The following PRKG1 variants were observed in gnomAD, a reference collection of about 807,000 sequenced individuals.
PRKG1 encodes protein kinase cGMP-dependent 1, also known as cGMP-dependent protein kinase 1.
A neutral mutation model predicts 88.1 loss-of-function variants in PRKG1; 35 were observed. The observed-to-expected ratio is 0.40, with a 90% CI of 0.30 to 0.53. The LOEUF (loss-of-function observed/expected upper bound fraction) is 0.53. PRKG1 is among the 20% of genes least tolerant of loss of function. The probability of loss-of-function intolerance (pLI) is 0.59; values close to 1 mark genes in which losing one functional copy is unlikely to be tolerated. For synonymous variants in PRKG1, 303 were observed against 292.5 expected (o/e 1.04, Z -0.37); for missense variants, 540 against 839.8 (o/e 0.64, Z 4.41).
At chr10:51,700,801 G>A (rs947378126) in intron 3 of PRKG1, among the ~76,000 whole-genome samples, 1 of 152,124 alleles carries the variant, frequency 6.6e-6, no homozygotes, top group African/African-American at 2.4e-5. Context: ...AAAAACTAAT[G>A]TTCAGTAAGC....
intron 3 of PRKG1, among the ~76,000 whole-genome samples, chr10:51,468,610 C>A (rs1355341927): frequency 6.6e-6 from 1 of 151,762 alleles, no homozygotes; most frequent in Admixed American, 6.6e-5. Flanking sequence ...AGGTTCATTG[C>A]ATCTTTAGGC....
intron 5 of PRKG1, among the ~76,000 whole-genome samples, chr10:51,988,297 C>G (rs1305834035): frequency 6.6e-6 from 1 of 151,988 alleles, no homozygotes; most frequent in East Asian, 1.9e-4. Context: ...ATATGTTTAA[C>G]TTGATGCAAC....
chr10:51,303,626 A>G (rs946353621), intron 2 of PRKG1, among the ~76,000 whole-genome samples: 1 of 152,134 alleles, frequency 6.6e-6, no homozygotes, highest in Non-Finnish European at 1.5e-5. Flanking sequence ...TAATATAAAC[A>G]GTGAAAGTAT....
chr10:51,991,529 C>A lies in PRKG1; in HGVS notation c.763-62955C>A, dbSNP rs189461463. Among the ~76,000 whole-genome samples the A allele has an allele frequency of 6.6e-3, 1,009 of 152,224 alleles. 11 individuals are homozygous for A. The highest frequency in any genetic ancestry group is 0.024 in the African/African-American group (978 of 41,516). Reference sequence around the variant, plus strand: ...ATATCTCCTAAAGCTATCCCTCCCCCACTCCCCCAGCCCATGACAGGCCCT... The same window carrying A: ...ATATCTCCTAAAGCTATCCCTCCCCAACTCCCCCAGCCCATGACAGGCCCT... On this transcript the variant is annotated intron_variant, in intron 5 of 17. Coordinates refer to ENST00000373980, the MANE Select transcript of PRKG1 (RefSeq NM_006258.4).
intron 1 of PRKG1, among the ~76,000 whole-genome samples, chr10:51,115,551 A>C (rs1380380358): frequency 6.6e-6 from 1 of 151,010 alleles, no homozygotes; most frequent in Non-Finnish European, 1.5e-5. Context: ...AGAATGATAA[A>C]GAAGAAGGCT....
intron 1 of PRKG1, among the ~76,000 whole-genome samples, chr10:51,034,585 CTAAA>C (rs1210889906): frequency 6.1e-5 from 9 of 147,714 alleles, no homozygotes; most frequent in Non-Finnish European, 8.9e-5. Context: ...GCTGTATACA[CTAAA>C]TAGAGGAATT....
At chr10:51,210,868 C>T (rs372373116) in intron 2 of PRKG1, among the ~76,000 whole-genome samples, 4 of 152,230 alleles carry the variant, frequency 2.6e-5, no homozygotes, top group Non-Finnish European at 5.9e-5. Context: ...GATTCACAGC[C>T]GAATTCTACC....
At chr10:51,753,950 G>C (rs1248585029) in intron 3 of PRKG1, among the ~76,000 whole-genome samples, 2 of 151,796 alleles carry the variant, frequency 1.3e-5, no homozygotes, top group African/African-American at 4.8e-5. Flanking sequence ...TTTTGTTGTT[G>C]TTCTTTTTTT....
chr10:51,718,918 A>G (rs1000647054), intron 3 of PRKG1, among the ~76,000 whole-genome samples: 19 of 151,338 alleles, frequency 1.3e-4, no homozygotes, highest in African/African-American at 4.6e-4. Context: ...AGGCCTAAGC[A>G]GGAGAATGGC....
At chr10:51,332,358 T>TGGTAC (rs1041788129) in intron 2 of PRKG1, among the ~76,000 whole-genome samples, 1 of 152,150 alleles carries the variant, frequency 6.6e-6, no homozygotes, top group Admixed American at 6.5e-5. Context: ...TTATAGAACT[T>TGGTAC]GGTACCGGAC....
chr10:52,007,901 G>A (rs1451894111), intron 5 of PRKG1, among the ~76,000 whole-genome samples: 2 of 151,826 alleles, frequency 1.3e-5, no homozygotes, highest in Admixed American at 1.3e-4. Flanking sequence ...CAGCAAATGT[G>A]GAAAAACAAA....
chr10:51,015,326 C>G (rs769952409), intron 1 of PRKG1, among the ~76,000 whole-genome samples: 2 of 152,110 alleles, frequency 1.3e-5, no homozygotes, highest in Non-Finnish European at 2.9e-5. Context: ...CTACTATGTT[C>G]AAGATATTTT....
At chr10:51,421,963 T>C (rs1411724954) in intron 2 of PRKG1, among the ~76,000 whole-genome samples, 1 of 152,232 alleles carries the variant, frequency 6.6e-6, no homozygotes, top group Non-Finnish European at 1.5e-5. Context: ...TTGGACCAAA[T>C]GTCTTTTGAA....
chr10:51,598,671 C>A (rs1272557734), intron 3 of PRKG1, among the ~76,000 whole-genome samples: 1 of 152,066 alleles, frequency 6.6e-6, no homozygotes, highest in Non-Finnish European at 1.5e-5. Context: ...TGGTCCCAGG[C>A]TATATGATGT....
chr10:51,950,926 C>A (rs956119011), intron 5 of PRKG1, among the ~76,000 whole-genome samples: 7 of 152,220 alleles, frequency 4.6e-5, no homozygotes, highest in African/African-American at 1.7e-4. Flanking sequence ...AGAGAGCGGA[C>A]GTGGGGGTGG....
At chr10:51,621,288 G>A (rs1366252362) in intron 3 of PRKG1, among the ~76,000 whole-genome samples, 5 of 151,082 alleles carry the variant, frequency 3.3e-5, no homozygotes, top group East Asian at 3.9e-4. Flanking sequence ...GAAATTATAT[G>A]TCAACAGTTC....
intron 3 of PRKG1, among the ~76,000 whole-genome samples, chr10:51,741,749 G>A (rs1266305220): frequency 1.3e-5 from 2 of 151,730 alleles, no homozygotes; most frequent in Admixed American, 1.3e-4. Flanking sequence ...TATTATCCTA[G>A]GGATCCTACG....
rs571372441 is a variant in PRKG1, at chr10:52,194,251, C to G, written c.1076+32288C>G. Among the ~76,000 whole-genome samples the G allele has an allele frequency of 1.3e-4, 20 of 152,216 alleles. 1 individual carries two copies. In the South Asian group the frequency reaches 4.2e-3, roughly 32 times the overall value. On this transcript the variant is annotated intron_variant, in intron 9 of 17. Transcript: ENST00000373980. ...TTGAAGATCGACTATTATTCTATATCATTTATTAGGCCACTGCACATATTC... is the reference window on the plus strand; with the variant it reads ...TTGAAGATCGACTATTATTCTATATGATTTATTAGGCCACTGCACATATTC...
At position 51,067,391 on chromosome 10, in the gene PRKG1, T is replaced by A. The variant is rs573322462; in HGVS notation, c.266+75747T>A. On this transcript the variant is annotated intron_variant, in intron 1 of 17. Coordinates refer to the PRKG1 transcript ENST00000401604. ...CTTAGGTAAGTTTTAGTTCTGTGAC[T>A]GCTGAGAGAATATTACTTGCTGTTT... 2.6e-5 allele frequency among the ~76,000 whole-genome samples: 4 copies of A among 152,114 alleles called. No individual in the cohort carries two copies. The South Asian group carries it at 8.3e-4, about 32-fold the overall frequency.
Sources: gnomAD v4.1 joint callset for allele counts (sites outside exome capture counted in the v4.1 genomes callset) on GRCh38, gnomAD v4.1.1 for gene constraint, MANE v1.5 for transcripts, NCBI Gene and HGNC (gene_info 2026-07-23, HGNC 2026-07-21) for gene names.